Variants in OGDH observed in about 807,000 individuals in gnomAD.
OGDH encodes the protein 2-oxoglutarate dehydrogenase complex component E1.
In OGDH, 38 loss-of-function variants were observed where a neutral mutation model predicts 116.6. The ratio of observed to expected loss-of-function variants is 0.33; its 90% CI spans 0.25 to 0.43. The LOEUF is 0.43. Among genes scored for constraint, OGDH ranks in the 20% least tolerant of loss-of-function variants. The probability of loss-of-function intolerance (pLI) is 1.00; values close to 1 mark genes in which losing one functional copy is unlikely to be tolerated. For missense variants in OGDH, 825 were observed against 1,357.2 expected (o/e 0.61, Z 6.16); for synonymous variants, 488 against 533.3 (o/e 0.92, Z 1.17).
chr7:44,657,368 G>A (rs1786736672), intron 4 of OGDH, among the ~76,000 whole-genome samples: 2 of 152,160 alleles, frequency 1.3e-5, no homozygotes. Context: ...TTGGGGATTG[G>A]CATTTTTCAA....
intron 2 of OGDH, among the ~76,000 whole-genome samples, chr7:44,635,644 ACT>A (rs1440619628): frequency 6.6e-6 from 1 of 150,812 alleles, no homozygotes; most frequent in Non-Finnish European, 1.5e-5. Flanking sequence ...AAGTTGTAAC[ACT>A]CTCCTCATGT....
chr7:44,689,840 T>C (rs1167466219), intron 10 of OGDH, among the ~76,000 whole-genome samples: 1 of 152,236 alleles, frequency 6.6e-6, no homozygotes, highest in Non-Finnish European at 1.5e-5. Flanking sequence ...GGGACAATTT[T>C]GGTGTCCTTG....
Position 44,624,457 on chromosome 7 carries a change from G to C in OGDH, c.114G>C (p.Arg38=), listed in dbSNP as rs772910379. The C allele has an allele frequency of 3.7e-6, 6 of 1,613,574 alleles. No homozygotes were observed. In the African/African-American group the frequency reaches 6.7e-5, roughly 18 times the overall value. ...PAAARTFQQI[R]CYSAPVAAEP... is the part of the protein sequence containing the mutation. ...CAGCTAGGACATTTCAACAGATTCG[G>C]TGCTATTCTGCACCTGTTGCTGCTG... The change falls in exon 2 of 23, where the codon CGG becomes CGC. Residue 38 remains arginine, a synonymous_variant. Transcript: ENST00000222673.
chr7:44,613,434 C>T (rs993662141), intron 1 of OGDH, among the ~76,000 whole-genome samples: 1 of 152,214 alleles, frequency 6.6e-6, no homozygotes, highest in Non-Finnish European at 1.5e-5. Context: ...GATCTTGGCT[C>T]ACCGCAAGCT....
chr7:44,696,690 C>T, intron 14 of OGDH, 133 bp downstream of exon 14: 1 of 1,356,912 alleles, frequency 7.4e-7, no homozygotes, highest in Non-Finnish European at 1.0e-6. Context: ...CTCAAGGCCT[C>T]TGGGGTGGTT....
At chr7:44,616,691 A>ATG (rs1309573938) in intron 1 of OGDH, among the ~76,000 whole-genome samples, 2 of 147,566 alleles carry the variant, frequency 1.4e-5, no homozygotes, top group African/African-American at 4.9e-5. Context: ...ACATATGTAT[A>ATG]TGTATATATA....
At chr7:44,670,934 C>T (rs1787413239) in intron 5 of OGDH, among the ~76,000 whole-genome samples, 1 of 150,366 alleles carries the variant, frequency 6.7e-6, no homozygotes, top group Non-Finnish European at 1.5e-5. Flanking sequence ...TGGCATGAAC[C>T]CGGGAGGCAG....
chr7:44,696,659 A>G (rs899950856), intron 14 of OGDH, 102 bp downstream of exon 14: 3 of 1,514,088 alleles, frequency 2.0e-6, no homozygotes, highest in African/African-American at 2.7e-5. Flanking sequence ...TGTGTCCTAC[A>G]GAGACTCCCT....
chr7:44,607,323 T>C (rs537322859), intron 1 of OGDH, among the ~76,000 whole-genome samples: 3 of 152,332 alleles, frequency 2.0e-5, no homozygotes, highest in Admixed American at 2.0e-4. Context: ...CCCTCGAAAA[T>C]ATATCAGACA....
chr7:44,614,777 G>A (rs1172080565), intron 1 of OGDH, among the ~76,000 whole-genome samples: 3 of 151,058 alleles, frequency 2.0e-5, no homozygotes, highest in Non-Finnish European at 4.4e-5. Flanking sequence ...CGTCATCTTG[G>A]TATTGGTGTC....
At position 44,696,184 on chromosome 7, in the gene OGDH, C is replaced by T; in HGVS notation, c.1771+57C>T. The T allele has an allele frequency of 7.9e-7, 1 of 1,265,902 alleles. No homozygotes were observed. The allele number at this position is 1,265,902 out of a possible 1,614,324, so 78.4% of individuals were successfully genotyped here. On this transcript the variant is annotated intron_variant, in intron 13 of 22. Transcript: ENST00000222673. The stretch of plus-strand genomic sequence containing the variant: ...CCTTTGAGGATCTGATGTAACGAGG[C>T]ATCCTCTTCCCAGAAAAAATTCATG...
chr7:44,608,524 C>T (rs182317787), intron 1 of OGDH, among the ~76,000 whole-genome samples: 197 of 152,162 alleles, frequency 1.3e-3, no homozygotes, highest in African/African-American at 4.6e-3. Context: ...CATGGTGAAA[C>T]CCTGTCTCTA....
chr7:44,635,036 C>T (rs1035171266), intron 2 of OGDH, among the ~76,000 whole-genome samples: 3 of 152,180 alleles, frequency 2.0e-5, no homozygotes, highest in African/African-American at 7.2e-5. Flanking sequence ...GGACCATTTC[C>T]TGGGCAGCAT....
At chr7:44,705,400 G>T (rs180855515) in intron 20 of OGDH, among the ~76,000 whole-genome samples, 9 of 152,134 alleles carry the variant, frequency 5.9e-5, no homozygotes, top group Admixed American at 5.9e-4. Flanking sequence ...TTCTTCAGTT[G>T]CCTGTGACTT....
chr7:44,646,285 G>A (rs1368991343), intron 3 of OGDH, among the ~76,000 whole-genome samples: 1 of 152,228 alleles, frequency 6.6e-6, no homozygotes, highest in Non-Finnish European at 1.5e-5. Context: ...ACCTGTTCTT[G>A]TGTAACTGCT....
At chr7:44,613,611 G>A (rs993238827) in intron 1 of OGDH, among the ~76,000 whole-genome samples, 17 of 150,970 alleles carry the variant, frequency 1.1e-4, no homozygotes, top group African/African-American at 3.9e-4. Flanking sequence ...CACCCGTCTC[G>A]GCCTCCCAAA....
At chr7:44,649,049 T>C (rs2268311) in intron 4 of OGDH, among the ~76,000 whole-genome samples, 14,323 of 151,746 alleles carry the variant, frequency 0.094, 1,360 homozygotes, top group East Asian at 0.39. Context: ...GCCCTGTGCC[T>C]CTCCAGCCCC....
At chr7:44,646,116 A>G (rs1441789733) in intron 3 of OGDH, among the ~76,000 whole-genome samples, 1 of 152,168 alleles carries the variant, frequency 6.6e-6, no homozygotes, top group Non-Finnish European at 1.5e-5. Context: ...CCAGAGCACA[A>G]TAACCAAAGT....
chr7:44,702,928 A>T (rs1788900333), intron 20 of OGDH, among the ~76,000 whole-genome samples: 1 of 152,178 alleles, frequency 6.6e-6, no homozygotes, highest in Non-Finnish European at 1.5e-5. Flanking sequence ...AAAATACACA[A>T]CATAAAATTT....
Sources: allele counts gnomAD v4.1 joint callset (sites outside exome capture counted in the v4.1 genomes callset), GRCh38; gene constraint gnomAD v4.1.1; transcripts MANE v1.5; gene names NCBI Gene and HGNC (gene_info 2026-07-23, HGNC 2026-07-21).